ACOT7: variants seen among roughly 807,000 people sequenced by gnomAD.
The protein encoded by ACOT7 is acyl-CoA thioesterase 7.
Under a neutral mutation model 40.2 loss-of-function variants are expected in ACOT7, and 12 were observed. The ratio of observed to expected loss-of-function variants is 0.30; its 90% CI spans 0.19 to 0.48. The LOEUF is 0.48. ACOT7 is among the 20% of genes least tolerant of loss of function. ACOT7 has a pLI of 0.99. For synonymous variants in ACOT7, 228 were observed against 219.5 expected (o/e 1.04, Z -0.34); for missense variants, 395 against 530.8 (o/e 0.74, Z 2.51).
intron 1 of ACOT7, among the ~76,000 whole-genome samples, chr1:6,390,701 C>T (rs1040310071): frequency 3.7e-4 from 54 of 146,636 alleles, no homozygotes; most frequent in Middle Eastern, 4.7e-3. Flanking sequence ...TTTGGGAGGC[C>T]GAGGCGGGCA....
At chr1:6,309,861 G>GT (rs1409088857) in intron 6 of ACOT7, among the ~76,000 whole-genome samples, 3 of 152,326 alleles carry the variant, frequency 2.0e-5, no homozygotes, top group Admixed American at 1.3e-4. Context: ...AACTAATAAA[G>GT]TAAATGTAAT....
At position 6,299,402 on chromosome 1, in the gene ACOT7, T is replaced by A. The variant is rs1158106115; in HGVS notation, c.713-4422A>T. On this transcript the variant is annotated intron_variant, in intron 6 of 8. Transcript: ENST00000361521. This position sits in a 1 kb window ranked among gnomAD's most constrained non-coding sequence, Gnocchi z 4.1. ...AAATAACTCAGAACACCAGGTAACATGCTGGCTGAGAACCCCACACACTTG... is the reference window on the plus strand; with the variant it reads ...AAATAACTCAGAACACCAGGTAACAAGCTGGCTGAGAACCCCACACACTTG... 6.6e-6 allele frequency among the ~76,000 whole-genome samples: 1 copy of A among 152,152 alleles called. No individual in the cohort carries two copies. The highest frequency in any genetic ancestry group is 1.5e-5 in the Non-Finnish European group (1 of 68,028).
At chr1:6,326,260 C>G (rs1336663876) in intron 5 of ACOT7, among the ~76,000 whole-genome samples, 2 of 152,200 alleles carry the variant, frequency 1.3e-5, no homozygotes, top group South Asian at 2.1e-4. Flanking sequence ...TGCTCGTTGC[C>G]TGCCCCCGAG....
intron 5 of ACOT7, among the ~76,000 whole-genome samples, chr1:6,325,137 G>A (rs931286509): frequency 6.6e-6 from 1 of 152,186 alleles, no homozygotes; most frequent in Non-Finnish European, 1.5e-5. Context: ...AGTGGCTCAC[G>A]TCTGTAATCC....
At chr1:6,331,336 C>T (rs1424920530) in intron 4 of ACOT7, among the ~76,000 whole-genome samples, 3 of 152,230 alleles carry the variant, frequency 2.0e-5, no homozygotes, top group Non-Finnish European at 2.9e-5. Flanking sequence ...CCCAGTGACC[C>T]GTACTCCGGT....
At chr1:6,376,457 G>A (rs1425945754) in intron 1 of ACOT7, among the ~76,000 whole-genome samples, 1 of 151,020 alleles carries the variant, frequency 6.6e-6, no homozygotes, top group African/African-American at 2.4e-5. Flanking sequence ...GGCCAGGCGC[G>A]GTGGCTCATG....
At chr1:6,321,292 G>A (rs1055295505) in intron 5 of ACOT7, among the ~76,000 whole-genome samples, 2 of 152,118 alleles carry the variant, frequency 1.3e-5, no homozygotes, top group African/African-American at 4.8e-5. Flanking sequence ...TTTCAGTCCA[G>A]GCAAATTCAG....
intron 4 of ACOT7, among the ~76,000 whole-genome samples, chr1:6,331,344 G>A (rs183947622): frequency 3.9e-5 from 6 of 152,334 alleles, no homozygotes; most frequent in South Asian, 4.1e-4. Flanking sequence ...CCCGTACTCC[G>A]GTAAGCAGGC....
In ACOT7 at chr1:6,359,228, G is replaced by C. The variant is rs1641832874; in HGVS notation, c.144-9362C>G. 1 of 183,726 alleles carries C rather than the reference G, an allele frequency of 5.4e-6. No individual in the cohort carries two copies. Among genetic ancestry groups the C allele is most frequent in the Admixed American group, 5.9e-5 (1 of 16,894 alleles). The allele number at this position is 183,726 out of a possible 1,614,324, so 11.4% of individuals were successfully genotyped here. On this transcript the variant is annotated intron_variant, in intron 1 of 8. Transcript: ENST00000361521. The surrounding 1 kb of genome is among the most constrained non-coding windows in gnomAD (Gnocchi z 4.1). ...ACAAGACCCCCTAGTCTTTCTCCAG[G>C]GTCTCAGCCAAAGCCAGGTCTGGCC...
intron 1 of ACOT7, among the ~76,000 whole-genome samples, chr1:6,380,496 A>T (rs1006568415): frequency 6.7e-6 from 1 of 148,760 alleles, no homozygotes; most frequent in African/African-American, 2.5e-5. Context: ...GCTACTCAGG[A>T]GGCTGAGGCT....
rs57574822 is a variant in ACOT7 at position 6,323,185 on chromosome 1, T to C, written c.625+4114A>G. On this transcript the variant is annotated intron_variant, in intron 5 of 8. Transcript: ENST00000361521. ...TCGGACACTTAGGAGACCTCAGGTA[T>C]CAACTTCTGGGTCAGGACCACCCTT... Among the ~76,000 whole-genome samples the C allele has an allele frequency of 6.3e-3, 959 of 151,970 alleles. 12 individuals are homozygous for C. Among genetic ancestry groups the C allele is most frequent in the African/African-American group, 0.022 (898 of 41,448 alleles).
At chr1:6,348,972 T>G (rs190618231) in intron 2 of ACOT7, among the ~76,000 whole-genome samples, 3 of 152,198 alleles carry the variant, frequency 2.0e-5, no homozygotes, top group Non-Finnish European at 4.4e-5. Context: ...TCTGCCTCCC[T>G]GGAGGCCACA....
chr1:6,327,511 G>T, intron 4 of ACOT7, 98 bp from the exon 5 acceptor site: 1 of 1,006,768 alleles, frequency 9.9e-7, no homozygotes, highest in Non-Finnish European at 1.5e-6. Context: ...TTGTGTAACT[G>T]GGACTATTTT....
chr1:6,332,806 G>A (rs1640994716), intron 4 of ACOT7, among the ~76,000 whole-genome samples: 1 of 150,688 alleles, frequency 6.6e-6, no homozygotes, highest in Admixed American at 6.6e-5. Context: ...GGGCAACAGA[G>A]CAAGATTCCG....
intron 1 of ACOT7, among the ~76,000 whole-genome samples, chr1:6,388,584 C>T (rs1476112122): frequency 2.7e-5 from 4 of 148,994 alleles, no homozygotes; most frequent in African/African-American, 9.9e-5. Context: ...ACTAAAAATA[C>T]AAAAATTAGC....
At chr1:6,308,829 G>A (rs912145173) in intron 6 of ACOT7, among the ~76,000 whole-genome samples, 6 of 152,158 alleles carry the variant, frequency 3.9e-5, no homozygotes, top group Non-Finnish European at 7.4e-5. Context: ...GCGACTGGGC[G>A]GAGGGAACAG....
intron 6 of ACOT7, among the ~76,000 whole-genome samples, chr1:6,300,044 C>T (rs1013639826): frequency 1.3e-5 from 2 of 152,204 alleles, no homozygotes; most frequent in Non-Finnish European, 2.9e-5. Flanking sequence ...GATGAGCCAG[C>T]AGGATTCCAG....
intron 4 of ACOT7, among the ~76,000 whole-genome samples, chr1:6,333,029 G>A (rs1372384197): frequency 2.0e-5 from 3 of 152,134 alleles, no homozygotes; most frequent in Non-Finnish European, 2.9e-5. Flanking sequence ...CAGGGGCCAC[G>A]GGGGAACAGC....
intron 1 of ACOT7, among the ~76,000 whole-genome samples, chr1:6,363,375 G>A (rs937411653): frequency 6.6e-6 from 1 of 152,038 alleles, no homozygotes; most frequent in Non-Finnish European, 1.5e-5. Flanking sequence ...TTCCCCCGGG[G>A]AGTTTAGAGA....
Sources: allele counts gnomAD v4.1 joint callset (sites outside exome capture counted in the v4.1 genomes callset), GRCh38; gene constraint gnomAD v4.1.1; non-coding constraint Gnocchi (gnomAD v3.1); transcripts MANE v1.5; gene names NCBI Gene and HGNC (gene_info 2026-07-23, HGNC 2026-07-21).